The following AUTS2 variants were observed in gnomAD, a reference collection of about 807,000 sequenced individuals.
The protein encoded by AUTS2 is activator of transcription and developmental regulator AUTS2.
Under a neutral mutation model 112.4 loss-of-function variants are expected in AUTS2, and 17 were observed. That is an observed-to-expected ratio of 0.15 (90% CI 0.10 to 0.23). The LOEUF is 0.23. Among genes scored for constraint, AUTS2 ranks in the 10% least tolerant of loss-of-function variants. The pLI is 1.00. For synonymous variants in AUTS2, 751 were observed against 702.7 expected (o/e 1.07, Z -1.09); for missense variants, 1,510 against 1,701.6 (o/e 0.89, Z 1.98).
Position 70,641,674 on chromosome 7 carries a change from G to A in AUTS2, c.691-56895G>A, listed in dbSNP as rs561757260. 7.2e-5 allele frequency among the ~76,000 whole-genome samples: 11 copies of A among 152,264 alleles called. No homozygotes were observed. In the East Asian group the frequency reaches 1.2e-3, roughly 16 times the overall value. ...TGTCATCCTGGATCCATGGGAGGCC[G>A]CCCTTAGTTTTCCCCACTATCCTGG... On this transcript the variant is annotated intron_variant, in intron 5 of 18. Transcript: ENST00000342771.
intron 2 of AUTS2, among the ~76,000 whole-genome samples, chr7:70,014,441 G>A (rs773488812): frequency 1.3e-5 from 2 of 152,240 alleles, no homozygotes; most frequent in Non-Finnish European, 2.9e-5. Flanking sequence ...TTAAGGTATT[G>A]TCATTCTTTT....
intron 13 of AUTS2, among the ~76,000 whole-genome samples, chr7:70,776,354 A>C (rs1790687319): frequency 6.6e-6 from 1 of 152,202 alleles, no homozygotes; most frequent in Non-Finnish European, 1.5e-5. Flanking sequence ...GAATACACTC[A>C]CAGCACTCCA....
chr7:70,585,825 G>T (rs180860960), intron 5 of AUTS2, among the ~76,000 whole-genome samples: 75 of 149,750 alleles, frequency 5.0e-4, no homozygotes, highest in African/African-American at 1.8e-3. Context: ...CAAAACCAAT[G>T]AAATAAAGAT....
chr7:69,958,164 C>G (rs967481767), intron 2 of AUTS2, among the ~76,000 whole-genome samples: 13 of 152,206 alleles, frequency 8.5e-5, no homozygotes, highest in African/African-American at 3.1e-4. Flanking sequence ...CAAACTATAG[C>G]CCACCGGCCA....
chr7:69,692,004 A>G (rs1797369254), intron 1 of AUTS2, among the ~76,000 whole-genome samples: 1 of 152,096 alleles, frequency 6.6e-6, no homozygotes, highest in Non-Finnish European at 1.5e-5. Flanking sequence ...GTTTTTGTCA[A>G]CTGTGCCATC....
chr7:70,374,720 G>A (rs185295013), intron 4 of AUTS2, among the ~76,000 whole-genome samples: 56 of 152,268 alleles, frequency 3.7e-4, no homozygotes, highest in African/African-American at 1.3e-3. Flanking sequence ...AGGCCTTAAG[G>A]TTGGTCAGTT....
chr7:70,512,015 A>G (rs1025487801), intron 5 of AUTS2, among the ~76,000 whole-genome samples: 16 of 152,246 alleles, frequency 1.1e-4, no homozygotes, highest in African/African-American at 3.1e-4. Flanking sequence ...CAAAATTTCT[A>G]TAGTCCAGAG....
intron 4 of AUTS2, among the ~76,000 whole-genome samples, chr7:70,353,184 A>G (rs1791843722): frequency 6.6e-6 from 1 of 152,216 alleles, no homozygotes; most frequent in African/African-American, 2.4e-5. Flanking sequence ...AGAGTTCAGA[A>G]CATAAATTGT....
rs1430853412 is a variant in AUTS2 at position 69,682,790 on chromosome 7, A to G, written c.309+82828A>G. Among the ~76,000 whole-genome samples, 3 of 152,160 alleles carry G rather than the reference A, an allele frequency of 2.0e-5. No individual in the cohort carries two copies. In the East Asian group the frequency reaches 5.8e-4, roughly 29 times the overall value. ...GCTTGAAAAGTTCTCAAGGCCAGCC[A>G]TGGTGGTTCGGCCTGCAGTCCCAAG... is the stretch of plus-strand genomic sequence containing the variant. On this transcript the variant is annotated intron_variant, in intron 1 of 18. Coordinates refer to ENST00000342771, the MANE Select transcript of AUTS2 (RefSeq NM_015570.4).
At chr7:70,511,556 A>ATTGTCTTTTTTTTTTTTTT (rs1563005631) in intron 5 of AUTS2, among the ~76,000 whole-genome samples, 1 of 41,766 alleles carries the variant, frequency 2.4e-5, no homozygotes. Context: ...ACTTTTTTTC[A>ATTGTCTTTTTTTTTTTTTT]TTTTCTTTTT....
intron 2 of AUTS2, among the ~76,000 whole-genome samples, chr7:70,104,848 A>G (rs1385982586): frequency 6.6e-6 from 1 of 151,842 alleles, no homozygotes; most frequent in African/African-American, 2.4e-5. Flanking sequence ...CTTTTTTCTT[A>G]AAGGAGGGTG....
chr7:69,667,078 T>C (rs1234016504), intron 1 of AUTS2, among the ~76,000 whole-genome samples: 3 of 152,154 alleles, frequency 2.0e-5, no homozygotes, highest in Admixed American at 6.5e-5. Context: ...GCCTTCTCAC[T>C]GGTGGGGACT....
rs536770737 is a variant in AUTS2, at chr7:70,373,906, A to G, written c.661-61846A>G. 2.2e-4 allele frequency among the ~76,000 whole-genome samples: 33 copies of G among 151,198 alleles called. 1 individual carries two copies. The Middle Eastern group carries it at 0.01, about 47-fold the overall frequency. On this transcript the variant is annotated intron_variant, in intron 4 of 18. Coordinates refer to ENST00000342771, the MANE Select transcript of AUTS2 (RefSeq NM_015570.4). Reference sequence around the variant, plus strand: ...GTTTAGAAGTCATCTTTTTTTTTTCACTAAACATTACATCACAAGCATATT... The same window carrying G: ...GTTTAGAAGTCATCTTTTTTTTTTCGCTAAACATTACATCACAAGCATATT...
intron 1 of AUTS2, among the ~76,000 whole-genome samples, chr7:69,680,912 C>G (rs565444923): frequency 6.6e-6 from 1 of 152,190 alleles, no homozygotes; most frequent in African/African-American, 2.4e-5. Flanking sequence ...TCAAGTAATC[C>G]GCCAGCCTCA....
chr7:69,780,983 G>A (rs1024413388), intron 1 of AUTS2, among the ~76,000 whole-genome samples: 1 of 152,180 alleles, frequency 6.6e-6, no homozygotes, highest in Non-Finnish European at 1.5e-5. Flanking sequence ...TAGTTCAAAA[G>A]GTCTGACTGT....
At chr7:69,970,406 AT>A (rs1222373573) in intron 2 of AUTS2, among the ~76,000 whole-genome samples, 2 of 152,194 alleles carry the variant, frequency 1.3e-5, no homozygotes, top group Non-Finnish European at 2.9e-5. Flanking sequence ...GATTCCTCAA[AT>A]GCAGCATTTC....
rs186012224 is a variant in AUTS2, at chr7:70,451,913, G to A, written c.690+16132G>A. ...GCATGAACTGGGCCACCCAGCAGCA[G>A]CCAGGTCGCCGCTCTGAGAGGTCTG... On this transcript the variant is annotated intron_variant, in intron 5 of 18. Transcript: ENST00000342771. Among the ~76,000 whole-genome samples the A allele has an allele frequency of 1.5e-3, 236 of 152,288 alleles. 1 individual carries two copies. Among genetic ancestry groups the A allele is most frequent in the South Asian group, 0.013 (65 of 4,824 alleles).
chr7:70,395,567 A>G (rs1794043763), intron 4 of AUTS2, among the ~76,000 whole-genome samples: 1 of 152,238 alleles, frequency 6.6e-6, no homozygotes, highest in Non-Finnish European at 1.5e-5. Context: ...GATTGAGCTG[A>G]GTATGCAAAG....
At chr7:70,110,476 A>G (rs1433773081) in intron 2 of AUTS2, among the ~76,000 whole-genome samples, 2 of 152,212 alleles carry the variant, frequency 1.3e-5, no homozygotes, top group Non-Finnish European at 2.9e-5. Context: ...AGATCGCGCC[A>G]TTGGACTCCA....
Sources: gnomAD v4.1 joint callset for allele counts (sites outside exome capture counted in the v4.1 genomes callset) on GRCh38, gnomAD v4.1.1 for gene constraint, MANE v1.5 for transcripts, NCBI Gene and HGNC (gene_info 2026-07-23, HGNC 2026-07-21) for gene names.